RIMKLB: variants seen among roughly 807,000 people sequenced by gnomAD.
RIMKLB encodes the protein beta-citrylglutamate synthase B.
RIMKLB carries 7 observed loss-of-function variants against 32.0 expected under a neutral mutation model. The ratio of observed to expected loss-of-function variants is 0.22; its 90% CI spans 0.12 to 0.41. RIMKLB has a LOEUF of 0.41. Among genes scored for constraint, RIMKLB ranks in the 10% least tolerant of loss-of-function variants. The probability of loss-of-function intolerance (pLI) is 1.00; values close to 1 mark genes in which losing one functional copy is unlikely to be tolerated. For synonymous variants in RIMKLB, 172 were observed against 185.1 expected (o/e 0.93, Z 0.57); for missense variants, 289 against 498.7 (o/e 0.58, Z 4.00).
chr12:8,756,272 G>A (rs1949016867), intron 5 of RIMKLB, among the ~76,000 whole-genome samples: 1 of 151,954 alleles, frequency 6.6e-6, no homozygotes, highest in Non-Finnish European at 1.5e-5. Context: ...AGTGAACCAT[G>A]ATCGTACCAC....
chr12:8,709,118 C>T (rs60109498), intron 1 of RIMKLB, among the ~76,000 whole-genome samples: 1,952 of 152,272 alleles, frequency 0.013, 39 homozygotes, highest in African/African-American at 0.045. Flanking sequence ...TATTTTCTTA[C>T]AGTTATCTTA....
chr12:8,748,123 C>T (rs1948270409), intron 2 of RIMKLB, among the ~76,000 whole-genome samples: 1 of 152,244 alleles, frequency 6.6e-6, no homozygotes, highest in Non-Finnish European at 1.5e-5. Flanking sequence ...AAAATACATA[C>T]TAATAACCTT....
At chr12:8,693,912 TTGGG>T (rs1200013544), upstream of RIMKLB, among the ~76,000 whole-genome samples, 8 of 152,120 alleles carry the variant, frequency 5.3e-5, no homozygotes, top group Non-Finnish European at 1.2e-4. Context: ...TAATCAGTTT[TTGGG>T]AGCTCTCCTG....
chr12:8,764,403 G>A (rs984498878), intron 5 of RIMKLB, among the ~76,000 whole-genome samples: 3 of 152,150 alleles, frequency 2.0e-5, no homozygotes, highest in African/African-American at 7.2e-5. Context: ...CCCTAACAAG[G>A]GAGTGGGGCT....
chr12:8,770,023 A>T (rs988200340), intron 5 of RIMKLB, among the ~76,000 whole-genome samples: 2 of 146,516 alleles, frequency 1.4e-5, no homozygotes, highest in African/African-American at 5.1e-5. Flanking sequence ...CCAGGCTTGG[A>T]GTGCAATGGC....
chr12:8,697,687 G>A (rs1347426799), upstream of RIMKLB: 1 of 301,266 alleles, frequency 3.3e-6, no homozygotes, highest in Non-Finnish European at 7.2e-6. Flanking sequence ...CTCCCTTTTC[G>A]CTCCCCGCGC....
chr12:8,669,260 C>A, the RIMKLB span, among the ~76,000 whole-genome samples: 1,476 of 152,046 alleles, frequency 9.7e-3, 12 homozygotes, highest in Admixed American at 0.014. Context: ...CCAGCTCTCA[C>A]AAGAACTAAT....
At chr12:8,700,660 C>T (rs192282415) in intron 1 of RIMKLB, 1 of 152,256 alleles carries the variant, frequency 6.6e-6, no homozygotes, top group Admixed American at 6.5e-5. Flanking sequence ...TTTGGGGGCG[C>T]TTCAGTGATA....
At chr12:8,692,219 G>T (rs763129645), upstream of RIMKLB, among the ~76,000 whole-genome samples, 1 of 152,272 alleles carries the variant, frequency 6.6e-6, no homozygotes, top group South Asian at 2.1e-4. Context: ...AGTCAGAGAG[G>T]ACTAACAATA....
chr12:8,739,464 T>C (rs1947300687), intron 2 of RIMKLB, among the ~76,000 whole-genome samples: 1 of 152,122 alleles, frequency 6.6e-6, no homozygotes, highest in Admixed American at 6.6e-5. Context: ...ATTACAGGTG[T>C]GTACCACCAT....
At chr12:8,680,415 T>A (rs1942386724), upstream of RIMKLB, among the ~76,000 whole-genome samples, 2 of 152,146 alleles carry the variant, frequency 1.3e-5, no homozygotes, top group Non-Finnish European at 2.9e-5. Context: ...TGCCTCAGCC[T>A]CCCAAAGTGC....
intron 2 of RIMKLB, among the ~76,000 whole-genome samples, chr12:8,743,652 G>C (rs1380819276): frequency 6.6e-6 from 1 of 151,780 alleles, no homozygotes; most frequent in African/African-American, 2.4e-5. Flanking sequence ...TTACCATTCA[G>C]ATCAGAGCAT....
At chr12:8,682,640 C>T (rs962428798) in intron 1 of RIMKLB, among the ~76,000 whole-genome samples, 6 of 151,576 alleles carry the variant, frequency 4.0e-5, no homozygotes, top group East Asian at 3.9e-4. Context: ...GGCGTGGTGG[C>T]GGGCGCCTGT....
At chr12:8,712,843 G>T (rs1944491421) in intron 1 of RIMKLB, among the ~76,000 whole-genome samples, 1 of 152,070 alleles carries the variant, frequency 6.6e-6, no homozygotes, top group African/African-American at 2.4e-5. Flanking sequence ...TTTTGCCCAG[G>T]ACCTTTCCTT....
At chr12:8,703,754 A>G (rs1273759417) in intron 1 of RIMKLB, among the ~76,000 whole-genome samples, 1 of 152,202 alleles carries the variant, frequency 6.6e-6, no homozygotes, top group Non-Finnish European at 1.5e-5. Flanking sequence ...TAAACAAGTT[A>G]TCTAACCTTT....
intron 1 of RIMKLB, chr12:8,699,755 T>G (rs1232416629): frequency 6.6e-6 from 1 of 152,294 alleles, no homozygotes; most frequent in Non-Finnish European, 1.5e-5. Flanking sequence ...TCTCCCTTTT[T>G]TCTCTCTTGT....
intron 5 of RIMKLB, among the ~76,000 whole-genome samples, chr12:8,767,611 G>T (rs1014240862): frequency 6.6e-6 from 1 of 152,190 alleles, no homozygotes; most frequent in African/African-American, 2.4e-5. Context: ...ATGGGCATCT[G>T]TTGAGTAGAG....
At chr12:8,670,491 T>G in the RIMKLB span, among the ~76,000 whole-genome samples, 1 of 152,206 alleles carries the variant, frequency 6.6e-6, no homozygotes. Context: ...AATCATCTCT[T>G]TGACTCCAGG....
chr12:8,771,318 A>T (rs1950378770), intron 5 of RIMKLB, among the ~76,000 whole-genome samples: 1 of 152,090 alleles, frequency 6.6e-6, no homozygotes, highest in Non-Finnish European at 1.5e-5. Flanking sequence ...TATGACCCAC[A>T]ATCAGAAAGG....
Sources: allele counts gnomAD v4.1 joint callset (sites outside exome capture counted in the v4.1 genomes callset), GRCh38; gene constraint gnomAD v4.1.1; transcripts MANE v1.5; gene names NCBI Gene and HGNC (gene_info 2026-07-23, HGNC 2026-07-21).